The following KCNQ5 variants were observed in gnomAD, a reference collection of about 807,000 sequenced individuals.
The protein encoded by KCNQ5 is potassium voltage-gated channel subfamily Q member 5.
In KCNQ5, 30 loss-of-function variants were observed where a neutral mutation model predicts 98.2. The ratio of observed to expected loss-of-function variants is 0.31; its 90% confidence interval spans 0.23 to 0.41. KCNQ5 has a LOEUF of 0.41. Among genes scored for constraint, KCNQ5 ranks in the 10% least tolerant of loss-of-function variants. KCNQ5 has a pLI of 1.00. For synonymous variants in KCNQ5, 458 were observed against 449.4 expected, an observed-to-expected ratio of 1.02 and a Z score of -0.24; for missense variants, 835 against 1,182.5, an observed-to-expected ratio of 0.71 and a Z score of 4.31.
At chr6:73,132,317 GCCCTGCA>G (rs1776270895) in intron 9 of KCNQ5, among the ~76,000 whole-genome samples, 1 of 151,918 alleles carries the variant, frequency 6.6e-6, no homozygotes, top group African/African-American at 2.4e-5. Flanking sequence ...ATTTCTTCAG[GCCCTGCA>G]GAGTCCTGGG....
intron 11 of KCNQ5, among the ~76,000 whole-genome samples, chr6:73,184,963 C>A (rs1778519525): frequency 6.6e-6 from 1 of 152,108 alleles, no homozygotes; most frequent in Admixed American, 6.6e-5. Flanking sequence ...AGTAGAGCTT[C>A]TAAACAAATA....
At chr6:72,673,956 C>T (rs146474495) in intron 1 of KCNQ5, among the ~76,000 whole-genome samples, 2 of 152,246 alleles carry the variant, frequency 1.3e-5, no homozygotes, top group East Asian at 1.9e-4. Context: ...GAGAGGATAA[C>T]GTGAATCAAC....
At chr6:73,154,182 T>A (rs762050909) in intron 10 of KCNQ5, among the ~76,000 whole-genome samples, 4 of 152,126 alleles carry the variant, frequency 2.6e-5, no homozygotes, top group Non-Finnish European at 4.4e-5. Context: ...GCATCAAAAT[T>A]GTTATTATAG....
intron 3 of KCNQ5, among the ~76,000 whole-genome samples, chr6:73,057,123 A>G (rs2150371333): frequency 6.6e-6 from 1 of 152,338 alleles, no homozygotes; most frequent in East Asian, 1.9e-4. Flanking sequence ...TGTGGCACGT[A>G]TACACCATGG....
intron 1 of KCNQ5, among the ~76,000 whole-genome samples, chr6:72,629,876 ATAAT>A (rs887936420): frequency 3.3e-5 from 5 of 152,144 alleles, no homozygotes; most frequent in Non-Finnish European, 5.9e-5. Flanking sequence ...ACTTTTTTTC[ATAAT>A]TAAAGAAATT....
At chr6:72,979,127 G>A (rs58849800) in intron 1 of KCNQ5, among the ~76,000 whole-genome samples, 4,359 of 152,196 alleles carry the variant, frequency 0.029, 208 homozygotes, top group African/African-American at 0.097. Context: ...GAATAGTGCC[G>A]CAGTAAACAT....
intron 1 of KCNQ5, among the ~76,000 whole-genome samples, chr6:72,713,540 C>T (rs1341511247): frequency 6.6e-6 from 1 of 152,124 alleles, no homozygotes; most frequent in Non-Finnish European, 1.5e-5. Context: ...CAGTGATCTC[C>T]TAATAGTTCT....
chr6:72,643,640 C>A (rs886890181), intron 1 of KCNQ5, among the ~76,000 whole-genome samples: 1 of 151,826 alleles, frequency 6.6e-6, no homozygotes, highest in Non-Finnish European at 1.5e-5. Context: ...GCAAATATTT[C>A]AAATTTTCAA....
intron 1 of KCNQ5, among the ~76,000 whole-genome samples, chr6:72,761,546 A>G (rs1227006024): frequency 6.6e-6 from 1 of 151,878 alleles, no homozygotes; most frequent in Non-Finnish European, 1.5e-5. Flanking sequence ...ACTTCCATGT[A>G]AATCATATTT....
intron 1 of KCNQ5, among the ~76,000 whole-genome samples, chr6:72,940,599 T>C (rs1766182010): frequency 6.6e-6 from 1 of 152,208 alleles, no homozygotes; most frequent in African/African-American, 2.4e-5. Flanking sequence ...ATGGCTTTAA[T>C]GTGTATGTCC....
At chr6:72,647,030 T>C (rs1765624677) in intron 1 of KCNQ5, among the ~76,000 whole-genome samples, 1 of 152,172 alleles carries the variant, frequency 6.6e-6, no homozygotes. Flanking sequence ...GTCTTGTAAA[T>C]CTGGGGTCCA....
intron 2 of KCNQ5, among the ~76,000 whole-genome samples, chr6:73,026,239 A>C (rs937640173): frequency 1.3e-5 from 2 of 152,218 alleles, no homozygotes; most frequent in African/African-American, 4.8e-5. Flanking sequence ...GCAGAGTAAA[A>C]GCCAAAGTTC....
At chr6:73,157,140 T>G (rs1777393653) in intron 10 of KCNQ5, among the ~76,000 whole-genome samples, 1 of 152,210 alleles carries the variant, frequency 6.6e-6, no homozygotes, top group South Asian at 2.1e-4. Flanking sequence ...GCGTCTTCAT[T>G]CGTGCCAGGA....
intron 1 of KCNQ5, among the ~76,000 whole-genome samples, chr6:72,695,320 A>G (rs1768430003): frequency 6.6e-6 from 1 of 152,192 alleles, no homozygotes. Context: ...CCTAAACTCA[A>G]TAACATTTTT....
At chr6:72,737,421 T>C (rs1391139441) in intron 1 of KCNQ5, among the ~76,000 whole-genome samples, 1 of 151,908 alleles carries the variant, frequency 6.6e-6, no homozygotes, top group Non-Finnish European at 1.5e-5. Context: ...GGGACAACAA[T>C]ATACAAAGGA....
chr6:73,105,983 C>T (rs1047198719), intron 6 of KCNQ5, among the ~76,000 whole-genome samples: 3 of 152,172 alleles, frequency 2.0e-5, no homozygotes, highest in African/African-American at 7.2e-5. Context: ...TCTTTAAAGG[C>T]AGCTGTTCAA....
chr6:72,981,301 G>A (rs1462620842), intron 1 of KCNQ5, among the ~76,000 whole-genome samples: 2 of 152,066 alleles, frequency 1.3e-5, no homozygotes, highest in Non-Finnish European at 2.9e-5. Context: ...ACTTTTTTTG[G>A]TTGGTAGGCT....
chr6:73,111,382 C>A lies in KCNQ5; in HGVS notation c.1104C>A (p.Asn368Lys). 6.2e-7 allele frequency: 1 copy of A among 1,610,498 alleles called. No individual in the cohort carries two copies. The highest frequency in any genetic ancestry group is 8.5e-7 in the Non-Finnish European group (1 of 1,178,826). ...HRQKHFEKRR[N>K]PAANLIQCVW... ...AGAAACACTTTGAGAAAAGAAGGAACCCAGCTGCCAACCTCATTCAGGTAA... is the reference window on the plus strand; with the variant it reads ...AGAAACACTTTGAGAAAAGAAGGAAACCAGCTGCCAACCTCATTCAGGTAA... Residue 368 changes from asparagine to lysine, a missense_variant, in exon 7 of 14, where the codon AAC becomes AAA. Asn to Lys is a moderately conservative substitution (Grantham distance 94). Around this residue, in one of 10 missense-constraint regions of KCNQ5, gnomAD observed 146 missense variants for 256.7 expected, o/e 0.57. Coordinates refer to ENST00000370398, the MANE Select transcript of KCNQ5 (RefSeq NM_019842.4).
chr6:72,843,105 T>C, intron 1 of KCNQ5, among the ~76,000 whole-genome samples: 1 of 152,372 alleles, frequency 6.6e-6, no homozygotes, highest in East Asian at 1.9e-4. Flanking sequence ...CTAGGGTTTT[T>C]ATGGTTTTAG....
Sources: gnomAD v4.1 joint callset for allele counts (sites outside exome capture counted in the v4.1 genomes callset) on GRCh38, gnomAD v4.1.1 for gene constraint, gnomAD v4.1.1 regional missense constraint, MANE v1.5 for transcripts, NCBI Gene and HGNC (gene_info 2026-07-23, HGNC 2026-07-21) for gene names.